The following ACO2 variants were observed in gnomAD, a reference collection of about 807,000 sequenced individuals.
ACO2 encodes the protein aconitate hydratase, mitochondrial.
A neutral mutation model predicts 84.5 loss-of-function variants in ACO2; 31 were observed. The ratio of observed to expected loss-of-function variants is 0.37; its 90% confidence interval spans 0.28 to 0.50. The LOEUF is 0.50. ACO2 is among the 20% of genes least tolerant of loss of function. ACO2 has a pLI of 0.97. For synonymous variants in ACO2, 414 were observed against 412.7 expected (o/e 1.00, Z -0.04); for missense variants, 685 against 1,029.3 (o/e 0.67, Z 4.58).
chr22:41,469,171 A>T lies in ACO2; in HGVS notation c.25A>T (p.Thr9Ser). The change falls in exon 1 of 18, where the codon ACT becomes TCT. Residue 9 changes from threonine (T) to serine (S), a missense_variant. By Grantham distance (58) the Thr-to-Ser change is moderately conservative. Around this residue, in one of 5 missense-constraint regions of ACO2, gnomAD observed 98 missense variants for 107.6 expected, o/e 0.91. Transcript: ENST00000216254. The stretch of plus-strand genomic sequence containing the variant: ...AATGGCGCCCTACAGCCTACTGGTG[A>T]CTCGGCTGCAGGTGAGCGAGCTCAG... MAPYSLLV[T>S]RLQKALGVRQ... 1 of 1,606,648 alleles carries T rather than the reference A, an allele frequency of 6.2e-7. No homozygotes were observed. Among genetic ancestry groups the T allele is most frequent in the Non-Finnish European group, 8.5e-7 (1 of 1,176,238 alleles).
intron 16 of ACO2, 116 bp from the exon 17 acceptor site, chr22:41,527,785 G>A: frequency 6.5e-7 from 1 of 1,538,418 alleles, no homozygotes; most frequent in Non-Finnish European, 8.8e-7. Flanking sequence ...TCACTGCCCG[G>A]GCATTGTCCC....
Position 41,518,527 on chromosome 22 carries a change from C to A in ACO2, c.987C>A (p.Asp329Glu). 1 of 1,613,906 alleles carries A rather than the reference C, an allele frequency of 6.2e-7. No homozygotes were observed. The highest frequency in any genetic ancestry group is 1.3e-5 in the African/African-American group (1 of 75,024). ...AATTCAAGGATCACTTGGTGCCTGA[C>A]CCTGGCTGCCATTATGACCAACTAA... ...ADEFKDHLVP[D>E]PGCHYDQLIE... The change falls in exon 8 of 18, where the codon GAC becomes GAA. Residue 329 changes from aspartate (D) to glutamate (E), a missense_variant. Physicochemically the swap from Asp to Glu is conservative, Grantham distance 45. This residue lies in a region of ACO2 where 311 missense variants were observed against 441.6 expected (regional missense o/e 0.70). Transcript: ENST00000216254.
rs2146140102 is a variant in ACO2 at position 41,525,292 on chromosome 22, G to C, written c.1705G>C (p.Glu569Gln). The C allele has an allele frequency of 1.2e-6, 2 of 1,614,066 alleles. No homozygotes were observed. The highest frequency in any genetic ancestry group is 2.2e-5 in the East Asian group (1 of 44,876). The change falls in exon 14 of 18, where the codon GAG becomes CAG. Residue 569 changes from glutamate (E) to glutamine (Q), a missense_variant. Glu to Gln is a conservative substitution (Grantham distance 29, BLOSUM62 2). This residue lies in a region of ACO2 where 311 missense variants were observed against 441.6 expected (regional missense o/e 0.70). Coordinates refer to ENST00000216254, the MANE Select transcript of ACO2 (RefSeq NM_001098.3). ...CACCAGCCAGCGCCTGCAGCTCCTG[G>C]AGCCTTTTGACAAGTGGGATGGCAA... ...SPTSQRLQLL[E>Q]PFDKWDGKDL...
At chr22:41,487,854 C>T (rs967511770) in intron 1 of ACO2, among the ~76,000 whole-genome samples, 4 of 152,096 alleles carry the variant, frequency 2.6e-5, no homozygotes, top group South Asian at 2.1e-4. Flanking sequence ...TTCCCCATTT[C>T]GTTTATAGCA....
chr22:41,490,805 G>T (rs777434018), intron 1 of ACO2, among the ~76,000 whole-genome samples: 3 of 152,120 alleles, frequency 2.0e-5, no homozygotes, highest in Non-Finnish European at 4.4e-5. Flanking sequence ...GCTTAGTAAG[G>T]AAGAGCTGGT....
In ACO2 at chr22:41,499,833, A is replaced by G. The variant is rs1346330491; in HGVS notation, c.144A>G (p.Leu48=). 3 of 1,614,064 alleles carry G rather than the reference A, an allele frequency of 1.9e-6. No homozygotes were observed. The African/African-American group carries it at 4.0e-5, about 22-fold the overall frequency. The stretch of plus-strand genomic sequence containing the variant: ...ACGAGTACATCCATTATGACCTGCT[A>G]GAGAAGAACATTAACATTGTTCGCA... ...EPNEYIHYDL[L]EKNINIVRKR... Residue 48 remains leucine, a synonymous_variant, in exon 2 of 18, where the codon CTA becomes CTG. Coordinates refer to ENST00000216254, the MANE Select transcript of ACO2 (RefSeq NM_001098.3).
Position 41,470,895 on chromosome 22 carries a change from C to T in ACO2, c.36+1713C>T, listed in dbSNP as rs534878419. Among the ~76,000 whole-genome samples, 4 of 152,232 alleles carry T rather than the reference C, an allele frequency of 2.6e-5. No homozygotes were observed. In the South Asian group the frequency reaches 8.3e-4, roughly 32 times the overall value. On this transcript the variant is annotated intron_variant, in intron 1 of 17. Coordinates refer to ENST00000216254, the MANE Select transcript of ACO2 (RefSeq NM_001098.3). ...AATGATGTGGAAATAGTTGTTTCTT[C>T]CTGTCTCATGATTTAAGGGAGTCAG...
chr22:41,472,599 G>A (rs1453530397), intron 1 of ACO2, among the ~76,000 whole-genome samples: 1 of 152,018 alleles, frequency 6.6e-6, no homozygotes, highest in Non-Finnish European at 1.5e-5. Flanking sequence ...AAAATAGAAC[G>A]TGGGTTTTGT....
At chr22:41,521,042 A>AAG (rs2146132245) in intron 9 of ACO2, among the ~76,000 whole-genome samples, 1 of 104,408 alleles carries the variant, frequency 9.6e-6, no homozygotes, top group African/African-American at 2.7e-5. Flanking sequence ...CTCCAAAAAA[A>AAG]AAAAAAAAAA....
At chr22:41,475,621 G>A (rs537503114) in intron 1 of ACO2, among the ~76,000 whole-genome samples, 25 of 152,236 alleles carry the variant, frequency 1.6e-4, no homozygotes, top group Admixed American at 1.1e-3. Context: ...TGGGCCGGAC[G>A]TGGTGGCTCA....
At chr22:41,513,868 G>A (rs1206137918) in intron 4 of ACO2, among the ~76,000 whole-genome samples, 2 of 152,146 alleles carry the variant, frequency 1.3e-5, no homozygotes, top group Non-Finnish European at 2.9e-5. Context: ...CACGGCCAGC[G>A]TCATCGTGAC....
chr22:41,526,474 G>C (rs770448518), intron 15 of ACO2, 21 bp downstream of exon 15: 2 of 1,602,396 alleles, frequency 1.2e-6, no homozygotes, highest in East Asian at 2.2e-5. Context: ...GTTGATAGGG[G>C]CAATGCCAGT....
At position 41,499,745 on chromosome 22, in the gene ACO2, A is replaced by G; in HGVS notation, c.56A>G (p.Gln19Arg). 6.2e-7 allele frequency: 1 copy of G among 1,613,248 alleles called. No individual in the cohort carries two copies. Among genetic ancestry groups the G allele is most frequent in the East Asian group, 2.2e-5 (1 of 44,880 alleles). Residue 19 changes from glutamine to arginine, a missense_variant, in exon 2 of 18, where the codon CAG (glutamine) becomes CGG (arginine). By Grantham distance (43) the Gln-to-Arg change is conservative. Around this residue, in one of 5 missense-constraint regions of ACO2, gnomAD observed 98 missense variants for 107.6 expected, o/e 0.91. Coordinates refer to ENST00000216254, the MANE Select transcript of ACO2 (RefSeq NM_001098.3). ...TTGCAGAAAGCTCTGGGTGTGCGGC[A>G]GTACCATGTGGCCTCAGTCCTGTGC... ...TRLQKALGVR[Q>R]YHVASVLCQR...
chr22:41,527,637 G>A (rs1237751502), intron 16 of ACO2: 4 of 816,108 alleles, frequency 4.9e-6, no homozygotes, highest in Non-Finnish European at 7.5e-6. Flanking sequence ...GTAGATCTGA[G>A]CCGCTGAGAT....
intron 7 of ACO2, 85 bp from the exon 8 acceptor site, chr22:41,518,396 G>T: frequency 9.7e-7 from 1 of 1,026,340 alleles, no homozygotes. Context: ...CCTGGTGTTT[G>T]GCAGGTGCTC....
intron 12 of ACO2, 94 bp from the exon 13 acceptor site, chr22:41,524,752 G>A: frequency 6.3e-7 from 1 of 1,576,780 alleles, no homozygotes; most frequent in Non-Finnish European, 8.7e-7. Context: ...AATTTCCTGG[G>A]TTCCTTTCTC....
At position 41,528,249 on chromosome 22, in the gene ACO2, C is replaced by T. The variant is rs929349511; in HGVS notation, c.2208+227C>T. On this transcript the variant is annotated intron_variant, in intron 17 of 17. Coordinates refer to ENST00000216254, the MANE Select transcript of ACO2 (RefSeq NM_001098.3). ...CCCAACCTCCCTTTACTCACCAGGA[C>T]CTGGCACTCAGGGGACAGCCCACCC... 11 of 834,926 alleles carry T rather than the reference C, an allele frequency of 1.3e-5. No individual in the cohort carries two copies. In the African/African-American group the frequency reaches 1.9e-4, roughly 14 times the overall value. 51.7% of individuals were successfully genotyped at this position (834,926 alleles called of 1,614,324 possible).
Position 41,515,755 on chromosome 22 carries a change from C to G in ACO2, c.685-12C>G. 1 of 1,612,996 alleles carries G rather than the reference C, an allele frequency of 6.2e-7. No homozygotes were observed. Among genetic ancestry groups the G allele is most frequent in the South Asian group, 1.1e-5 (1 of 91,032 alleles). On this transcript the variant is annotated splice_polypyrimidine_tract_variant and intron_variant, in intron 5 of 17. Coordinates refer to ENST00000216254, the MANE Select transcript of ACO2 (RefSeq NM_001098.3). This position sits in a 1 kb window ranked among gnomAD's most constrained non-coding sequence, Gnocchi z 5.8. Reference sequence around the variant, plus strand: ...ACGGCCTCTCACAGCCGCCTCGCCCCCTCCTGTCCAGGTGATTGGCGTGAA... The same window carrying G: ...ACGGCCTCTCACAGCCGCCTCGCCCGCTCCTGTCCAGGTGATTGGCGTGAA...
intron 2 of ACO2, among the ~76,000 whole-genome samples, chr22:41,500,858 G>T (rs1033911750): frequency 1.3e-5 from 2 of 151,580 alleles, no homozygotes; most frequent in Non-Finnish European, 2.9e-5. Context: ...GACGCACCAC[G>T]ATGCCTGGCT....
Sources: allele counts gnomAD v4.1 joint callset (sites outside exome capture counted in the v4.1 genomes callset), GRCh38; gene constraint gnomAD v4.1.1; regional missense constraint gnomAD v4.1.1; non-coding constraint Gnocchi (gnomAD v3.1); transcripts MANE v1.5; gene names NCBI Gene and HGNC (gene_info 2026-07-23, HGNC 2026-07-21).